Variants in KRAS observed in about 807,000 individuals in gnomAD.
KRAS encodes KRas proto-oncogene, GTPase, also known as GTPase KRas.
Under a neutral mutation model 21.0 loss-of-function variants are expected in KRAS, and 1 was observed. The observed-to-expected ratio is 0.05, with a 90% CI of 0.02 to 0.23. The LOEUF is 0.23. Ranked by LOEUF, KRAS falls within the 10% of genes least tolerant of loss-of-function variation. The pLI, the probability that KRAS is intolerant of heterozygous loss-of-function variation, is 1.00. For missense variants in KRAS, 107 were observed against 221.8 expected (o/e 0.48, Z 3.29); for synonymous variants, 67 against 72.5 (o/e 0.92, Z 0.39).
chr12:25,221,156 T>C (rs998409230), intron 4 of KRAS, among the ~76,000 whole-genome samples: 1 of 151,712 alleles, frequency 6.6e-6, no homozygotes, highest in African/African-American at 2.4e-5. Context: ...TAACTTCTAG[T>C]AGCTAATCAA....
chr12:25,249,089 C>A (rs567873679), intron 1 of KRAS, among the ~76,000 whole-genome samples: 2 of 150,820 alleles, frequency 1.3e-5, no homozygotes, highest in East Asian at 3.9e-4. Flanking sequence ...GAAAACCTGT[C>A]TGTTTTGATG....
chr12:25,242,192 T>C (rs1951618156), intron 2 of KRAS, among the ~76,000 whole-genome samples: 2 of 152,232 alleles, frequency 1.3e-5, no homozygotes, highest in South Asian at 2.1e-4. Context: ...GAATTATAAG[T>C]GCCACAATAA....
At position 25,207,057 on chromosome 12, in the gene KRAS, CCTT is replaced by C. The variant is rs1229046976; in HGVS notation, c.*2735_*2737del. 4.7e-6 allele frequency: 1 copy of C among 211,428 alleles called. No individual in the cohort carries two copies. The highest frequency in any genetic ancestry group is 7.1e-5 in the East Asian group (1 of 14,144). The allele number at this position is 211,428 out of a possible 1,614,324, so 13.1% of individuals were successfully genotyped here. On this transcript the variant is annotated 3_prime_UTR_variant, in exon 5 of 5. Coordinates refer to ENST00000311936, the MANE Select transcript of KRAS (RefSeq NM_004985.5). ...ATAGAGCTGGCACAGAGACCAAACCCCTTCTTTGCAAAACTAAAATACGCATCG... is the reference window on the plus strand; with the variant it reads ...ATAGAGCTGGCACAGAGACCAAACCCCTTTGCAAAACTAAAATACGCATCG...
chr12:25,242,632 C>A (rs1235221842), intron 2 of KRAS, among the ~76,000 whole-genome samples: 1 of 152,154 alleles, frequency 6.6e-6, no homozygotes, highest in East Asian at 1.9e-4. Flanking sequence ...ATGTGTCATA[C>A]CTGAATGATT....
At position 25,235,437 on chromosome 12, in the gene KRAS, T is replaced by C. The variant is rs78850251; in HGVS notation, c.112-8025A>G. On this transcript the variant is annotated intron_variant, in intron 2 of 4. Transcript: ENST00000311936. ...ACAGAGGTTGATGAGTTCATTCCCA[T>C]CTACCCACATCAGTCTCCCTTGTAT... 6.2e-3 allele frequency among the ~76,000 whole-genome samples: 939 copies of C among 152,286 alleles called. 10 individuals are homozygous for C. The highest frequency in any genetic ancestry group is 0.021 in the African/African-American group (868 of 41,554).
At chr12:25,217,610 A>C (rs1315170356) in intron 4 of KRAS, among the ~76,000 whole-genome samples, 3 of 152,210 alleles carry the variant, frequency 2.0e-5, no homozygotes, top group Non-Finnish European at 4.4e-5. Context: ...TTGGCACTTT[A>C]AGTTAGATAC....
intron 1 of KRAS, among the ~76,000 whole-genome samples, chr12:25,247,583 T>TC (rs1190497796): frequency 6.6e-6 from 1 of 151,902 alleles, no homozygotes; most frequent in Non-Finnish European, 1.5e-5. Context: ...TACCCCAACC[T>TC]CCCCCCAACC....
chr12:25,234,803 T>C lies in KRAS; in HGVS notation c.112-7391A>G, dbSNP rs982098698. On this transcript the variant is annotated intron_variant, in intron 2 of 4. Coordinates refer to ENST00000311936, the MANE Select transcript of KRAS (RefSeq NM_004985.5). ...TATTCAGTGTGTTCACCTTTTAACA[T>C]ACTCGAGTATGGGTTTTCCAACTCA... is the stretch of plus-strand genomic sequence containing the variant. 3 of 203,950 alleles carry C rather than the reference T, an allele frequency of 1.5e-5. No homozygotes were observed. The Admixed American group carries it at 1.8e-4, about 12-fold the overall frequency. 12.6% of individuals were successfully genotyped at this position (203,950 alleles called of 1,614,324 possible).
At position 25,209,526 on chromosome 12, in the gene KRAS, C is replaced by CA. The variant is rs1436567531; in HGVS notation, c.*268dup. ...ATAAGAAGTAATCAACTGCATGCACCAAAAGCCCCAAGACAGAAATCTTAG... is the reference window on the plus strand; with the variant it reads ...ATAAGAAGTAATCAACTGCATGCACCAAAAAGCCCCAAGACAGAAATCTTAG... On this transcript the variant is annotated 3_prime_UTR_variant, in exon 5 of 5. Transcript: ENST00000311936. The CA allele has an allele frequency of 2.3e-6, 3 of 1,321,502 alleles. No individual in the cohort carries two copies. The allele number at this position is 1,321,502 out of a possible 1,614,324, so 81.9% of individuals were successfully genotyped here.
chr12:25,215,725 G>T (rs933474702), intron 4 of KRAS, among the ~76,000 whole-genome samples: 12 of 151,724 alleles, frequency 7.9e-5, no homozygotes. Flanking sequence ...TTAAAATATG[G>T]GCTAGAATCC....
intron 2 of KRAS, among the ~76,000 whole-genome samples, chr12:25,235,963 T>C (rs34527025): frequency 2.0e-5 from 3 of 151,748 alleles, no homozygotes; most frequent in Non-Finnish European, 4.4e-5. Flanking sequence ...ACGCTCCTAT[T>C]AGAATCTAAT....
intron 2 of KRAS, among the ~76,000 whole-genome samples, chr12:25,231,484 A>T (rs1951469964): frequency 6.6e-6 from 1 of 152,222 alleles, no homozygotes; most frequent in Admixed American, 6.5e-5. Flanking sequence ...TCAGATAAAG[A>T]ATAGTCAACC....
Position 25,225,670 on chromosome 12 carries a change from C to A in KRAS, c.394G>T (p.Asp132Tyr). ...GGAATTCCATAACTTCTTGCTAAGT[C>A]CTGAGCCTGTTTTGTGTCTACTGTT... ...SRTVDTKQAQ[D>Y]LARSYGIPFI... The change falls in exon 4 of 5, where the codon GAC (aspartate) becomes TAC (tyrosine). Residue 132 changes from aspartate to tyrosine, a missense_variant. By Grantham distance (160) the Asp-to-Tyr change is radical (BLOSUM62 -3). Coordinates refer to ENST00000311936, the MANE Select transcript of KRAS (RefSeq NM_004985.5). 1.2e-6 allele frequency: 2 copies of A among 1,613,280 alleles called. No homozygotes were observed. Among genetic ancestry groups the A allele is most frequent in the Non-Finnish European group, 1.7e-6 (2 of 1,179,564 alleles).
intron 2 of KRAS, among the ~76,000 whole-genome samples, chr12:25,232,805 A>G (rs927341683): frequency 3.3e-5 from 5 of 152,206 alleles, no homozygotes; most frequent in Admixed American, 3.3e-4. Context: ...GAAATGTACT[A>G]TACTGGCAAG....
In KRAS at chr12:25,247,836, T is replaced by A. The variant is rs1363482203; in HGVS notation, c.-11-2441A>T. Among the ~76,000 whole-genome samples, 19 of 152,324 alleles carry A rather than the reference T, an allele frequency of 1.2e-4. No homozygotes were observed. In the East Asian group the frequency reaches 3.3e-3, roughly 26 times the overall value. ...ACATCATTAAAGAGATTTACTGAAG[T>A]GTGAAACAATACCACTTTTCTAAGT... On this transcript the variant is annotated intron_variant, in intron 1 of 4. Coordinates refer to ENST00000311936, the MANE Select transcript of KRAS (RefSeq NM_004985.5).
rs886049187 is a variant in KRAS, at chr12:25,207,470, C to T, written c.*2325G>A. On this transcript the variant is annotated 3_prime_UTR_variant, in exon 5 of 5. Coordinates refer to ENST00000311936, the MANE Select transcript of KRAS (RefSeq NM_004985.5). ...TGGAGGTTGCAGTGAGCTGAGATGGCGCCACTGCATTCCAGCCTGGGTGAC... is the reference window on the plus strand; with the variant it reads ...TGGAGGTTGCAGTGAGCTGAGATGGTGCCACTGCATTCCAGCCTGGGTGAC... 7 of 192,866 alleles carry T rather than the reference C, an allele frequency of 3.6e-5. No homozygotes were observed. Among genetic ancestry groups the T allele is most frequent in the East Asian group, 8.2e-5 (1 of 12,178 alleles). 11.9% of individuals were successfully genotyped at this position (192,866 alleles called of 1,614,324 possible).
In KRAS at chr12:25,233,774, G is replaced by A. The variant is rs149457473; in HGVS notation, c.112-6362C>T. The A allele has an allele frequency of 4.0e-3, 829 of 208,050 alleles. 8 individuals carry two copies. The highest frequency in any genetic ancestry group is 0.018 in the African/African-American group (773 of 44,006). 12.9% of individuals were successfully genotyped at this position (208,050 alleles called of 1,614,324 possible). Reference sequence around the variant, plus strand: ...CACCCTCTACCTAACAGTCTTGAACGCTATAGGTAATTAGTACTGCCTCTT... The same window carrying A: ...CACCCTCTACCTAACAGTCTTGAACACTATAGGTAATTAGTACTGCCTCTT... On this transcript the variant is annotated intron_variant, in intron 2 of 4. Coordinates refer to ENST00000311936, the MANE Select transcript of KRAS (RefSeq NM_004985.5).
Position 25,206,087 on chromosome 12 carries a change from T to G in KRAS, c.*3708A>C, listed in dbSNP as rs1228124889. ...AAATCCCCTAAAAAAAGTTATATAC[T>G]GTTTGAAGAAAAAATGTTTAGAAGA... On this transcript the variant is annotated 3_prime_UTR_variant, in exon 5 of 5. Coordinates refer to ENST00000311936, the MANE Select transcript of KRAS (RefSeq NM_004985.5). The G allele has an allele frequency of 4.7e-6, 1 of 211,814 alleles. No individual in the cohort carries two copies. The highest frequency in any genetic ancestry group is 9.5e-6 in the Non-Finnish European group (1 of 105,304). The allele number at this position is 211,814 out of a possible 1,614,324, so 13.1% of individuals were successfully genotyped here. A position where few individuals can be genotyped will look rare whatever the true frequency, so the allele number is the denominator to read the frequency against.
In KRAS at chr12:25,232,592, C is replaced by T. The variant is rs1466558288; in HGVS notation, c.112-5180G>A. ...TACGTTTTTAATTAGTATTTCCAGC[C>T]TTTCAAAAAAGTAAACTTTTAAATT... On this transcript the variant is annotated intron_variant, in intron 2 of 4. Coordinates refer to ENST00000311936, the MANE Select transcript of KRAS (RefSeq NM_004985.5). 2.0e-5 allele frequency among the ~76,000 whole-genome samples: 3 copies of T among 152,136 alleles called. No individual in the cohort carries two copies. The East Asian group carries it at 5.8e-4, about 29-fold the overall frequency.
Sources: gnomAD v4.1 joint callset for allele counts (sites outside exome capture counted in the v4.1 genomes callset) on GRCh38, gnomAD v4.1.1 for gene constraint, MANE v1.5 for transcripts, NCBI Gene and HGNC (gene_info 2026-07-23, HGNC 2026-07-21) for gene names.